Variants in RYR2 observed in about 807,000 individuals in gnomAD.
RYR2 encodes the protein ryanodine receptor 2, also known as cardiac muscle ryanodine receptor-calcium release channel.
Under a neutral mutation model 601.1 loss-of-function variants are expected in RYR2, and 227 were observed. That is an observed-to-expected ratio of 0.38 (90% CI 0.34 to 0.42). The LOEUF (loss-of-function observed/expected upper bound fraction) is 0.42. Ranked by LOEUF, RYR2 falls within the 10% of genes least tolerant of loss-of-function variation. The pLI is 1.00. For synonymous variants in RYR2, 2,223 were observed against 2,175.1 expected (o/e 1.02, Z -0.61); for missense variants, 4,646 against 6,156.5 (o/e 0.75, Z 8.21).
At chr1:237,047,252 G>A (rs1420098084) in intron 1 of RYR2, among the ~76,000 whole-genome samples, 2 of 152,164 alleles carry the variant, frequency 1.3e-5, no homozygotes, top group African/African-American at 4.8e-5. Flanking sequence ...CCTTCATAGA[G>A]TTCTGTCTCC....
At position 237,417,032 on chromosome 1, in the gene RYR2, T is replaced by G. The variant is rs761606466; in HGVS notation, c.774-17T>G. The G allele has an allele frequency of 1.9e-6, 3 of 1,612,750 alleles. No homozygotes were observed. Among genetic ancestry groups the G allele is most frequent in the Non-Finnish European group, 2.5e-6 (3 of 1,178,840 alleles). ...TGTTTAACTCACATTTGGGCTTTTGTTTGTTTGTTGAAACAGAACTGTTCA... is the reference window on the plus strand; with the variant it reads ...TGTTTAACTCACATTTGGGCTTTTGGTTGTTTGTTGAAACAGAACTGTTCA... On this transcript the variant is annotated splice_polypyrimidine_tract_variant and intron_variant, in intron 10 of 104. Transcript: ENST00000366574.
chr1:237,400,293 G>A (rs1258677808), intron 10 of RYR2, among the ~76,000 whole-genome samples: 3 of 152,082 alleles, frequency 2.0e-5, no homozygotes, highest in East Asian at 1.9e-4. Context: ...GTCCCCTTTC[G>A]GGATACCAAG....
rs958273636 is a variant in RYR2, at chr1:237,541,001, G to T, written c.2907-7430G>T. Among the ~76,000 whole-genome samples the T allele has an allele frequency of 1.3e-5, 2 of 151,920 alleles. 1 individual carries two copies. Among genetic ancestry groups the T allele is most frequent in the Admixed American group, 1.3e-4 (2 of 15,254 alleles). ...TGTATTAGATACTGAATGTGTACCC[G>T]TATGTATACTGTTTACATAGACACA... On this transcript the variant is annotated intron_variant, in intron 25 of 104. Coordinates refer to ENST00000366574, the MANE Select transcript of RYR2 (RefSeq NM_001035.3).
chr1:237,656,549 CT>C (rs1271502784), intron 53 of RYR2, among the ~76,000 whole-genome samples: 4 of 152,184 alleles, frequency 2.6e-5, no homozygotes, highest in African/African-American at 7.2e-5. Flanking sequence ...TGTTCGACGT[CT>C]GAGCATTTTG....
Position 237,709,054 on chromosome 1 carries a change from C to G in RYR2, c.10098C>G (p.Leu3366=), listed in dbSNP as rs887367372. 2 of 1,607,954 alleles carry G rather than the reference C, an allele frequency of 1.2e-6. No homozygotes were observed. The highest frequency in any genetic ancestry group is 1.7e-5 in the Admixed American group (1 of 59,616). Residue 3366 remains leucine (L), a synonymous_variant, in exon 69 of 105, where the codon CTC becomes CTG. Transcript: ENST00000366574. ...AGTTCACCACACTGGCCAGAGATCT[C>G]TATGCCTTCTACCCTCTCTTGATTA... ...LDEFTTLARD[L]YAFYPLLIRF... is the part of the protein sequence containing the mutation.
chr1:237,491,540 C>T (rs144416161), intron 17 of RYR2, among the ~76,000 whole-genome samples: 7 of 152,174 alleles, frequency 4.6e-5, no homozygotes, highest in African/African-American at 7.2e-5. Context: ...CGCCCTCCTT[C>T]GGGTAGCGTT....
chr1:237,727,998 A>T (rs1690337601), intron 76 of RYR2, among the ~76,000 whole-genome samples: 1 of 152,050 alleles, frequency 6.6e-6, no homozygotes, highest in Non-Finnish European at 1.5e-5. Flanking sequence ...TTTGTGGAAC[A>T]TCTCTGACCA....
At chr1:237,426,070 AT>A (rs1706120908) in intron 12 of RYR2, among the ~76,000 whole-genome samples, 2 of 151,416 alleles carry the variant, frequency 1.3e-5, no homozygotes, top group African/African-American at 4.8e-5. Flanking sequence ...ATATATATAT[AT>A]TATTATAAAT....
intron 1 of RYR2, among the ~76,000 whole-genome samples, chr1:237,061,677 A>G (rs1662907712): frequency 6.6e-6 from 1 of 152,272 alleles, no homozygotes; most frequent in East Asian, 1.9e-4. Flanking sequence ...AGATACGTCT[A>G]TTGCAAATAT....
intron 1 of RYR2, among the ~76,000 whole-genome samples, chr1:237,092,451 T>C (rs1218446323): frequency 6.6e-6 from 1 of 152,210 alleles, no homozygotes; most frequent in Non-Finnish European, 1.5e-5. Flanking sequence ...TGAAACCATG[T>C]TATTTTAAAA....
intron 25 of RYR2, among the ~76,000 whole-genome samples, chr1:237,530,872 T>C (rs1462220590): frequency 6.6e-6 from 1 of 151,300 alleles, no homozygotes; most frequent in East Asian, 2.0e-4. Context: ...ATCGTGCCAC[T>C]GCACTCCAGC....
chr1:237,441,399 T>A lies in RYR2; in HGVS notation c.1086T>A (p.Tyr362Ter). Reference sequence around the variant, plus strand: ...TAAAATACGGTGACTCAGTATGCTATATACAACATGTAGACACAGGCCTAT... The same window carrying A: ...TAAAATACGGTGACTCAGTATGCTAAATACAACATGTAGACACAGGCCTAT... ...SEIKYGDSVCYIQHVDTGLWL... is the reference protein window; with the variant it reads ...SEIKYGDSVC Residue 362 changes from tyrosine to a stop codon, truncating the protein, a stop_gained, in exon 13 of 105, where the codon TAT (tyrosine) becomes TAA (stop). Coordinates refer to ENST00000366574, the MANE Select transcript of RYR2 (RefSeq NM_001035.3). LOFTEE classifies it high-confidence loss of function. 6.2e-7 allele frequency: 1 copy of A among 1,613,758 alleles called. No individual in the cohort carries two copies. The highest frequency in any genetic ancestry group is 1.1e-5 in the South Asian group (1 of 91,066).
At chr1:237,638,855 A>C (rs1681147844) in intron 45 of RYR2, among the ~76,000 whole-genome samples, 160 bp from the exon 46 acceptor site, 1 of 152,188 alleles carries the variant, frequency 6.6e-6, no homozygotes, top group Admixed American at 6.5e-5. Flanking sequence ...ACTGTGTCTC[A>C]TATACTTAAT....
In RYR2 at chr1:237,413,457, G is replaced by T. The variant is rs138192404; in HGVS notation, c.774-3592G>T. Among the ~76,000 whole-genome samples, 14 of 152,152 alleles carry T rather than the reference G, an allele frequency of 9.2e-5. 1 individual carries two copies. In the South Asian group the frequency reaches 2.7e-3, roughly 29 times the overall value. Reference sequence around the variant, plus strand: ...AAAGTTGTCAAAGTAAACCATTTGCGTGATAATTCTTCACTTTATTGTATA... The same window carrying T: ...AAAGTTGTCAAAGTAAACCATTTGCTTGATAATTCTTCACTTTATTGTATA... On this transcript the variant is annotated intron_variant, in intron 10 of 104. Transcript: ENST00000366574.
chr1:237,399,060 T>G (rs1172562378), intron 10 of RYR2, among the ~76,000 whole-genome samples: 1 of 152,170 alleles, frequency 6.6e-6, no homozygotes, highest in Non-Finnish European at 1.5e-5. Flanking sequence ...CTGGGCATGG[T>G]GGCACATGCC....
In RYR2 at chr1:237,759,832, C is replaced by T. The variant is rs760519786; in HGVS notation, c.11382C>T (p.Ala3794=). 2.0e-5 allele frequency: 33 copies of T among 1,611,638 alleles called. No individual in the cohort carries two copies. The highest frequency in any genetic ancestry group is 8.0e-5 in the African/African-American group (6 of 74,772). Residue 3794 remains alanine, a synonymous_variant, in exon 83 of 105, where the codon GCC becomes GCT. Transcript: ENST00000366574. ...ATGTGGGCTTCTTTCAGAGCCTGGC[C>T]GGCCTGATGCAGTCATGTAGGTAAG... is the stretch of plus-strand genomic sequence containing the variant. ...KKDVGFFQSL[A]GLMQSCSVLD...
At chr1:237,606,172 A>C (rs558819409) in intron 35 of RYR2, among the ~76,000 whole-genome samples, 1 of 152,058 alleles carries the variant, frequency 6.6e-6, no homozygotes. Context: ...AAACTATACT[A>C]CAAGGCTACA....
At chr1:237,241,177 A>T (rs1482411831) in intron 1 of RYR2, among the ~76,000 whole-genome samples, 1 of 152,212 alleles carries the variant, frequency 6.6e-6, no homozygotes, top group African/African-American at 2.4e-5. Flanking sequence ...TTCTGTCCAG[A>T]TCAGTTGGTC....
chr1:237,689,418 C>T (rs1459750265), intron 63 of RYR2, among the ~76,000 whole-genome samples: 1 of 152,198 alleles, frequency 6.6e-6, no homozygotes, highest in African/African-American at 2.4e-5. Context: ...TCCAGAGGAA[C>T]TATATGTAGA....
Sources: gnomAD v4.1 joint callset for allele counts (sites outside exome capture counted in the v4.1 genomes callset) on GRCh38, gnomAD v4.1.1 for gene constraint, MANE v1.5 for transcripts, NCBI Gene and HGNC (gene_info 2026-07-23, HGNC 2026-07-21) for gene names.